The following TMEM178B variants were observed in gnomAD, a reference collection of about 807,000 sequenced individuals.
The protein encoded by TMEM178B is transmembrane protein 178B.
Under a neutral mutation model 31.0 loss-of-function variants are expected in TMEM178B, and 5 were observed. The ratio of observed to expected loss-of-function variants is 0.16; its 90% confidence interval spans 0.08 to 0.34. TMEM178B has a LOEUF of 0.34. Among genes scored for constraint, TMEM178B ranks in the 10% least tolerant of loss-of-function variants. The probability of loss-of-function intolerance (pLI) is 1.00; values close to 1 mark genes in which losing one functional copy is unlikely to be tolerated. For synonymous variants in TMEM178B, 164 were observed against 164.0 expected (o/e 1.00, Z 0.00); for missense variants, 275 against 400.3 (o/e 0.69, Z 2.67).
At chr7:141,469,439 A>C (rs1802199902) in intron 3 of TMEM178B, among the ~76,000 whole-genome samples, 2 of 152,152 alleles carry the variant, frequency 1.3e-5, no homozygotes, top group South Asian at 4.1e-4. Flanking sequence ...CTAGATCTTA[A>C]AGAAACAAGT....
intron 2 of TMEM178B, among the ~76,000 whole-genome samples, chr7:141,333,262 T>C (rs1200946271): frequency 1.3e-5 from 2 of 152,218 alleles, no homozygotes; most frequent in East Asian, 3.9e-4. Context: ...TTCATGTAGG[T>C]ATGGAGGTTT....
chr7:141,246,594 T>G (rs1797733804), intron 2 of TMEM178B, among the ~76,000 whole-genome samples: 1 of 152,180 alleles, frequency 6.6e-6, no homozygotes, highest in Non-Finnish European at 1.5e-5. Flanking sequence ...GATGGCTTCC[T>G]GGAGGAGGCG....
chr7:141,079,674 T>C (rs777829565), intron 1 of TMEM178B, among the ~76,000 whole-genome samples: 2 of 152,178 alleles, frequency 1.3e-5, no homozygotes, highest in African/African-American at 2.4e-5. Context: ...CCTCCTGCCC[T>C]CTCCATCTCC....
At chr7:141,319,737 C>G (rs1240957488) in intron 2 of TMEM178B, among the ~76,000 whole-genome samples, 1 of 152,140 alleles carries the variant, frequency 6.6e-6, no homozygotes, top group African/African-American at 2.4e-5. Context: ...GGGGTTTCAC[C>G]ATGTTGGCCA....
chr7:141,129,878 A>G (rs573074587), intron 1 of TMEM178B, among the ~76,000 whole-genome samples: 1 of 152,312 alleles, frequency 6.6e-6, no homozygotes, highest in South Asian at 2.1e-4. Context: ...TCCAGGCTAT[A>G]AATATTTTCC....
At chr7:141,244,204 C>G (rs1163802869) in intron 2 of TMEM178B, among the ~76,000 whole-genome samples, 1 of 152,202 alleles carries the variant, frequency 6.6e-6, no homozygotes, top group Non-Finnish European at 1.5e-5. Flanking sequence ...CATACAGTTC[C>G]TTTCATCCAG....
intron 2 of TMEM178B, among the ~76,000 whole-genome samples, chr7:141,319,450 A>AT (rs1455861112): frequency 3.3e-5 from 5 of 152,138 alleles, no homozygotes; most frequent in African/African-American, 9.7e-5. Flanking sequence ...GAGTTTAGGC[A>AT]TTTTTTCATG....
intron 1 of TMEM178B, among the ~76,000 whole-genome samples, chr7:141,189,692 C>T (rs915165405): frequency 6.6e-6 from 1 of 152,186 alleles, no homozygotes; most frequent in Admixed American, 6.5e-5. Flanking sequence ...GAGCTGGCTC[C>T]CACATCAGCA....
chr7:141,307,199 C>T (rs1318679259), intron 2 of TMEM178B, among the ~76,000 whole-genome samples: 1 of 152,020 alleles, frequency 6.6e-6, no homozygotes, highest in Non-Finnish European at 1.5e-5. Flanking sequence ...AACTATAATG[C>T]TTGGACTGTA....
chr7:141,273,832 T>C (rs1204710615), intron 2 of TMEM178B, among the ~76,000 whole-genome samples: 3 of 152,244 alleles, frequency 2.0e-5, no homozygotes, highest in Non-Finnish European at 4.4e-5. Flanking sequence ...GACTTCTAGT[T>C]CCCACTGCCT....
At position 141,472,221 on chromosome 7, in the gene TMEM178B, C is replaced by T. The variant is rs1802257548; in HGVS notation, c.*1435C>T. 6.6e-6 allele frequency: 1 copy of T among 152,138 alleles called. No individual in the cohort carries two copies. The highest frequency in any genetic ancestry group is 1.5e-5 in the Non-Finnish European group (1 of 68,040). The allele number at this position is 152,138 out of a possible 1,614,324, so 9.4% of individuals were successfully genotyped here. Reference sequence around the variant, plus strand: ...AAGTGGGTCACATGCAGAGAGAGCACCTCCATTTCCCATGGGCTCAAGTTT... The same window carrying T: ...AAGTGGGTCACATGCAGAGAGAGCATCTCCATTTCCCATGGGCTCAAGTTT... On this transcript the variant is annotated 3_prime_UTR_variant, in exon 4 of 4. Transcript: ENST00000565468.
rs188512927 is a variant in TMEM178B at position 141,190,658 on chromosome 7, G to A, written c.383-21933G>A. Among the ~76,000 whole-genome samples, 42 of 152,190 alleles carry A rather than the reference G, an allele frequency of 2.8e-4. No homozygotes were observed. In the Middle Eastern group the frequency reaches 0.017, roughly 62 times the overall value. Reference sequence around the variant, plus strand: ...ATTGAAAGTGAAAAACAAGTTGGTCGTATGGGCACTTGACATATGGTTTCT... The same window carrying A: ...ATTGAAAGTGAAAAACAAGTTGGTCATATGGGCACTTGACATATGGTTTCT... On this transcript the variant is annotated intron_variant, in intron 1 of 3. Transcript: ENST00000565468.
chr7:141,241,229 G>C (rs1797613600), intron 2 of TMEM178B, among the ~76,000 whole-genome samples: 1 of 150,898 alleles, frequency 6.6e-6, no homozygotes, highest in Non-Finnish European at 1.5e-5. Flanking sequence ...GCCTTTTTTT[G>C]GTTGAAGAAG....
chr7:141,128,874 A>G (rs1795549552), intron 1 of TMEM178B, among the ~76,000 whole-genome samples: 1 of 152,188 alleles, frequency 6.6e-6, no homozygotes, highest in Non-Finnish European at 1.5e-5. Context: ...GTTTGCCATC[A>G]CCACCAAGAA....
intron 3 of TMEM178B, among the ~76,000 whole-genome samples, chr7:141,455,847 A>T (rs1326731370): frequency 6.6e-6 from 1 of 152,272 alleles, no homozygotes; most frequent in East Asian, 1.9e-4. Context: ...TGTGCTGGGC[A>T]TATGGAAACA....
intron 2 of TMEM178B, among the ~76,000 whole-genome samples, chr7:141,394,115 T>C (rs764866728): frequency 1.3e-5 from 2 of 152,076 alleles, no homozygotes; most frequent in Non-Finnish European, 2.9e-5. Context: ...TGCTTTTGTG[T>C]TGAGAATGAT....
chr7:141,074,211 C>T lies in TMEM178B; in HGVS notation c.-100C>T. ...CCGCGGCGCGAGTCCCTCTCCTGCCCCCTCCCCCAGCTCGGCCGCCCGCCG... is the reference window on the plus strand; with the variant it reads ...CCGCGGCGCGAGTCCCTCTCCTGCCTCCTCCCCCAGCTCGGCCGCCCGCCG... On this transcript the variant is annotated 5_prime_UTR_variant, in exon 1 of 4. Transcript: ENST00000565468. The surrounding 1 kb of genome is among the most constrained non-coding windows in gnomAD (Gnocchi z 5.1). The T allele has an allele frequency of 1.4e-6, 2 of 1,427,030 alleles. No homozygotes were observed. Among genetic ancestry groups the T allele is most frequent in the Non-Finnish European group, 9.2e-7 (1 of 1,091,928 alleles). 88.4% of individuals were successfully genotyped at this position (1,427,030 alleles called of 1,614,324 possible).
chr7:141,275,488 C>T (rs1798251231), intron 2 of TMEM178B, among the ~76,000 whole-genome samples: 1 of 152,178 alleles, frequency 6.6e-6, no homozygotes, highest in South Asian at 2.1e-4. Flanking sequence ...TGTCCAGCCT[C>T]TCCTATAAGA....
chr7:141,499,464 CAAAAAAAAAAA>C, the TMEM178B span, among the ~76,000 whole-genome samples: 2 of 50,716 alleles, frequency 3.9e-5, no homozygotes, highest in Non-Finnish European at 9.4e-5. Flanking sequence ...CACATCTCTA[CAAAAAAAAAAA>C]AAAAAAAAAA....
Sources: gnomAD v4.1 joint callset for allele counts (sites outside exome capture counted in the v4.1 genomes callset) on GRCh38, gnomAD v4.1.1 for gene constraint, Gnocchi (gnomAD v3.1) non-coding constraint, MANE v1.5 for transcripts, NCBI Gene and HGNC (gene_info 2026-07-23, HGNC 2026-07-21) for gene names.